Variants in CSPP1 observed in about 807,000 individuals in gnomAD.
The protein encoded by CSPP1 is centrosome and spindle pole associated protein 1.
Under a neutral mutation model 164.4 loss-of-function variants are expected in CSPP1, and 126 were observed. That is an observed-to-expected ratio of 0.77 (90% CI 0.66 to 0.89). CSPP1 has a LOEUF of 0.89. Ranked by LOEUF, CSPP1 falls within the 40% of genes least tolerant of loss-of-function variation. The pLI, the probability that CSPP1 is intolerant of heterozygous loss-of-function variation, is 0.00. For synonymous variants in CSPP1, 472 were observed against 476.7 expected (o/e 0.99, Z 0.13); for missense variants, 1,395 against 1,449.8 (o/e 0.96, Z 0.61).
rs1046498772 is a variant in CSPP1, at chr8:67,196,199, T to A, written c.*606T>A. On this transcript the variant is annotated 3_prime_UTR_variant, in exon 31 of 31. Transcript: ENST00000678616. ...TTTTATGCCAATGAAGGCATTTGTC[T>A]TGTTACTAATTACATGATGTAACTA... 6.6e-6 allele frequency: 1 copy of A among 152,236 alleles called. No homozygotes were observed. Among genetic ancestry groups the A allele is most frequent in the Non-Finnish European group, 1.5e-5 (1 of 68,076 alleles). 9.4% of individuals were successfully genotyped at this position (152,236 alleles called of 1,614,324 possible).
intron 12 of CSPP1, chr8:67,114,916 G>T (rs1817619413): frequency 6.6e-6 from 1 of 152,140 alleles, no homozygotes; most frequent in Non-Finnish European, 1.5e-5. Flanking sequence ...TTACTTTTGG[G>T]TTTACTTTTG....
At chr8:67,193,251 AC>A (rs1836916154) in intron 29 of CSPP1, among the ~76,000 whole-genome samples, 2 of 152,024 alleles carry the variant, frequency 1.3e-5, no homozygotes, top group South Asian at 4.1e-4. Context: ...GGCGCCTGCC[AC>A]CATGCCCAGC....
In CSPP1 at chr8:67,154,182, A is replaced by G. The variant is rs777430411; in HGVS notation, c.2241+46A>G. The G allele has an allele frequency of 7.5e-6, 7 of 936,094 alleles. No homozygotes were observed. In the African/African-American group the frequency reaches 8.3e-5, roughly 11 times the overall value. The allele number at this position is 936,094 out of a possible 1,614,324, so 58.0% of individuals were successfully genotyped here. ...TTTCAAAGTTTCATGAGATTTTAATAAACAAAACTTGCAAAGATTTTCTCC... is the reference window on the plus strand; with the variant it reads ...TTTCAAAGTTTCATGAGATTTTAATGAACAAAACTTGCAAAGATTTTCTCC... On this transcript the variant is annotated intron_variant, in intron 19 of 30. Transcript: ENST00000678616.
At chr8:67,168,637 T>G (rs1279600070) in intron 24 of CSPP1, among the ~76,000 whole-genome samples, 1 of 152,208 alleles carries the variant, frequency 6.6e-6, no homozygotes, top group Non-Finnish European at 1.5e-5. Context: ...ATACATTTAC[T>G]TTGGAATAAT....
chr8:67,134,525 C>A (rs1821845572), intron 16 of CSPP1: 1 of 148,658 alleles, frequency 6.7e-6, no homozygotes, highest in African/African-American at 2.5e-5. Context: ...CTTTCTAGAG[C>A]ACAGGTAGAG....
intron 28 of CSPP1, among the ~76,000 whole-genome samples, chr8:67,189,185 T>G (rs1835505566): frequency 1.3e-5 from 2 of 152,184 alleles, no homozygotes; most frequent in Non-Finnish European, 2.9e-5. Context: ...AAAATTGTAG[T>G]CAATTTTGGA....
chr8:67,128,023 T>C (rs1225277653), intron 15 of CSPP1, among the ~76,000 whole-genome samples: 1 of 152,200 alleles, frequency 6.6e-6, no homozygotes, highest in African/African-American at 2.4e-5. Context: ...GCTTTAATCT[T>C]TGTATCATTT....
At chr8:67,190,377 C>T (rs774093687) in intron 28 of CSPP1, among the ~76,000 whole-genome samples, 1 of 152,116 alleles carries the variant, frequency 6.6e-6, no homozygotes, top group Non-Finnish European at 1.5e-5. Context: ...TCTGTTGAAA[C>T]AGAGCCGTGT....
intron 15 of CSPP1, among the ~76,000 whole-genome samples, chr8:67,128,026 T>C (rs1324114240): frequency 6.6e-6 from 1 of 152,216 alleles, no homozygotes; most frequent in Non-Finnish European, 1.5e-5. Flanking sequence ...TTAATCTTTG[T>C]ATCATTTGAG....
At chr8:67,089,108 C>T (rs1457134150) in intron 4 of CSPP1, among the ~76,000 whole-genome samples, 1 of 151,930 alleles carries the variant, frequency 6.6e-6, no homozygotes, top group Non-Finnish European at 1.5e-5. Context: ...TTGTGGCTTC[C>T]AGACTTGGAT....
intron 24 of CSPP1, 30 bp downstream of exon 24, chr8:67,164,538 G>T (rs768947456): frequency 1.9e-6 from 2 of 1,043,922 alleles, no homozygotes; most frequent in South Asian, 2.6e-5. Flanking sequence ...TTTTGTGTTC[G>T]CTTGAGTTCT....
intron 16 of CSPP1, 65 bp from the exon 17 acceptor site, chr8:67,137,391 A>C: frequency 8.4e-7 from 1 of 1,192,724 alleles, no homozygotes; most frequent in Admixed American, 3.5e-5. Context: ...AACATCTGGT[A>C]TTACTAACTT....
intron 15 of CSPP1, among the ~76,000 whole-genome samples, chr8:67,120,194 T>G (rs1818709167): frequency 6.6e-6 from 1 of 152,236 alleles, no homozygotes; most frequent in African/African-American, 2.4e-5. Context: ...CGAGGGTTTA[T>G]TTTTGGGCTA....
intron 3 of CSPP1, among the ~76,000 whole-genome samples, chr8:67,079,262 T>G (rs115217877): frequency 6.6e-6 from 1 of 152,186 alleles, no homozygotes; most frequent in African/African-American, 2.4e-5. Flanking sequence ...TGATTTTCCA[T>G]TGGACATCTG....
chr8:67,177,563 G>A, intron 26 of CSPP1, 117 bp from the exon 27 acceptor site: 2 of 658,892 alleles, frequency 3.0e-6, no homozygotes, highest in Non-Finnish European at 5.4e-6. Flanking sequence ...TCTGAAGTGT[G>A]ATAGTTGAAA....
At chr8:67,105,392 T>C (rs558213730) in intron 8 of CSPP1, among the ~76,000 whole-genome samples, 1 of 152,224 alleles carries the variant, frequency 6.6e-6, no homozygotes, top group Non-Finnish European at 1.5e-5. Context: ...TTTTTGTTTT[T>C]GTTTTTGATA....
chr8:67,176,530 G>A (rs983861601), intron 26 of CSPP1, among the ~76,000 whole-genome samples: 1 of 152,200 alleles, frequency 6.6e-6, no homozygotes, highest in African/African-American at 2.4e-5. Context: ...AGGATAAGCA[G>A]TAGGTATATC....
intron 24 of CSPP1, among the ~76,000 whole-genome samples, chr8:67,169,397 C>A (rs2129565348): frequency 6.6e-6 from 1 of 152,204 alleles, no homozygotes; most frequent in Admixed American, 6.5e-5. Context: ...AATGTTGGGT[C>A]CTCTGAATAA....
chr8:67,112,435 A>G (rs868437784), intron 10 of CSPP1, among the ~76,000 whole-genome samples: 3 of 152,046 alleles, frequency 2.0e-5, no homozygotes, highest in African/African-American at 7.2e-5. Flanking sequence ...ATGCACACAC[A>G]CATACATGCA....
Sources: gnomAD v4.1 joint callset for allele counts (sites outside exome capture counted in the v4.1 genomes callset) on GRCh38, gnomAD v4.1.1 for gene constraint, MANE v1.5 for transcripts, NCBI Gene and HGNC (gene_info 2026-07-23, HGNC 2026-07-21) for gene names.